The following LRRC8C variants were observed in gnomAD, a reference collection of about 807,000 sequenced individuals.
LRRC8C encodes the protein volume-regulated anion channel subunit LRRC8C.
A neutral mutation model predicts 55.3 loss-of-function variants in LRRC8C; 20 were observed. The observed-to-expected ratio is 0.36, with a 90% CI of 0.25 to 0.53. LRRC8C has a LOEUF of 0.53. LRRC8C is among the 20% of genes least tolerant of loss of function. The pLI, the probability that LRRC8C is intolerant of heterozygous loss-of-function variation, is 0.92. For missense variants in LRRC8C, 659 were observed against 951.4 expected, an observed-to-expected ratio of 0.69 and a Z score of 4.04; for synonymous variants, 376 against 360.7, an observed-to-expected ratio of 1.04 and a Z score of -0.48.
intron 1 of LRRC8C, among the ~76,000 whole-genome samples, chr1:89,640,098 T>A (rs1330770452): frequency 6.6e-6 from 1 of 152,262 alleles, no homozygotes; most frequent in African/African-American, 2.4e-5. Context: ...GGAATCTTGC[T>A]GTGTTGCCCA....
chr1:89,677,495 TA>T (rs2101254740), intron 1 of LRRC8C, among the ~76,000 whole-genome samples: 1 of 152,372 alleles, frequency 6.6e-6, no homozygotes, highest in East Asian at 1.9e-4. Flanking sequence ...AAGTTCTATT[TA>T]AACTCTTTGT....
chr1:89,620,699 T>TA, the LRRC8C span, among the ~76,000 whole-genome samples: 1 of 152,172 alleles, frequency 6.6e-6, no homozygotes, highest in African/African-American at 2.4e-5. Flanking sequence ...TACTTCCAGT[T>TA]AAAAAATGTC....
At chr1:89,707,629 G>A (rs1164548177) in intron 2 of LRRC8C, among the ~76,000 whole-genome samples, 1 of 146,126 alleles carries the variant, frequency 6.8e-6, no homozygotes, top group Non-Finnish European at 1.5e-5. Context: ...CATAAAAGGT[G>A]TGGCTGGTGT....
chr1:89,673,872 G>A (rs1570714248), intron 1 of LRRC8C, among the ~76,000 whole-genome samples: 1 of 152,330 alleles, frequency 6.6e-6, no homozygotes, highest in Non-Finnish European at 1.5e-5. Context: ...AACTCTGGAT[G>A]TGACGGAGTC....
the LRRC8C span, among the ~76,000 whole-genome samples, chr1:89,623,671 G>A: frequency 1.9e-3 from 290 of 152,110 alleles, 1 homozygote; most frequent in East Asian, 0.025. Context: ...ACAGTGAGCC[G>A]AGATCGTGCC....
At chr1:89,693,022 C>A (rs1382809192) in intron 2 of LRRC8C, among the ~76,000 whole-genome samples, 1 of 152,128 alleles carries the variant, frequency 6.6e-6, no homozygotes, top group Non-Finnish European at 1.5e-5. Context: ...CCCCTGGAAG[C>A]CCTAGGGGAC....
At chr1:89,628,617 G>A (rs1010768969), upstream of LRRC8C, among the ~76,000 whole-genome samples, 3 of 152,192 alleles carry the variant, frequency 2.0e-5, no homozygotes, top group Non-Finnish European at 4.4e-5. Context: ...TGGACAAAAG[G>A]GGTATGATCC....
At chr1:89,689,100 G>A (rs1657958482) in intron 2 of LRRC8C, among the ~76,000 whole-genome samples, 1 of 152,222 alleles carries the variant, frequency 6.6e-6, no homozygotes, top group Non-Finnish European at 1.5e-5. Context: ...AAAGGCTGAT[G>A]TTGCCTTGCT....
At chr1:89,676,404 C>A (rs1657547783) in intron 1 of LRRC8C, 1 of 152,194 alleles carries the variant, frequency 6.6e-6, no homozygotes, top group African/African-American at 2.4e-5. Flanking sequence ...TGACTTCTTT[C>A]CTCATCTCAA....
intron 2 of LRRC8C, among the ~76,000 whole-genome samples, chr1:89,712,240 G>A (rs935391265): frequency 6.6e-6 from 1 of 152,102 alleles, no homozygotes; most frequent in Admixed American, 6.5e-5. Context: ...AACCTCCCAA[G>A]TACCTGGAAT....
intron 2 of LRRC8C, among the ~76,000 whole-genome samples, chr1:89,703,787 G>A (rs1421791890): frequency 6.6e-6 from 1 of 151,946 alleles, no homozygotes; most frequent in Non-Finnish European, 1.5e-5. Flanking sequence ...AAAATGAGCA[G>A]TGCAGCAGAA....
intron 2 of LRRC8C, among the ~76,000 whole-genome samples, chr1:89,706,863 C>T (rs574904150): frequency 1.3e-5 from 2 of 152,240 alleles, no homozygotes; most frequent in African/African-American, 4.8e-5. Flanking sequence ...TCAAGATCCT[C>T]TTTTATCTTT....
the LRRC8C span, among the ~76,000 whole-genome samples, chr1:89,621,633 T>C: frequency 1.3e-5 from 2 of 152,214 alleles, no homozygotes; most frequent in Non-Finnish European, 2.9e-5. Context: ...CTGGGGAACC[T>C]GGAAATTGGG....
At chr1:89,697,608 T>C (rs1658212057) in intron 2 of LRRC8C, among the ~76,000 whole-genome samples, 1 of 152,228 alleles carries the variant, frequency 6.6e-6, no homozygotes, top group African/African-American at 2.4e-5. Flanking sequence ...ATGTTCTGTG[T>C]TATGTATCCA....
Position 89,712,847 on chromosome 1 carries a change from A to C in LRRC8C, c.277A>C (p.Thr93Pro). ...TAAACCATCTCCTGCTAACCCCATC[A>C]CTGTGGAAATGAAAGGCCTGAAGAC... is the stretch of plus-strand genomic sequence containing the variant. ...PPKPSPANPI[T>P]VEMKGLKTDL... Residue 93 changes from threonine to proline, a missense_variant, in exon 3 of 3, where the codon ACT (threonine) becomes CCT (proline). This residue lies in a region of LRRC8C where 82 missense variants were observed against 71.4 expected (regional missense o/e 1.15). Coordinates refer to ENST00000370454, the MANE Select transcript of LRRC8C (RefSeq NM_032270.5). The C allele has an allele frequency of 6.2e-7, 1 of 1,614,062 alleles. No homozygotes were observed. The highest frequency in any genetic ancestry group is 8.5e-7 in the Non-Finnish European group (1 of 1,180,014).
chr1:89,669,611 AGAT>A (rs1313942260), intron 1 of LRRC8C, among the ~76,000 whole-genome samples: 1 of 152,144 alleles, frequency 6.6e-6, no homozygotes, highest in East Asian at 1.9e-4. Context: ...CTGTGAAGCA[AGAT>A]ACTGTTCTTT....
intron 2 of LRRC8C, among the ~76,000 whole-genome samples, chr1:89,696,909 G>C (rs1389728332): frequency 1.3e-5 from 2 of 151,994 alleles, no homozygotes; most frequent in Admixed American, 6.6e-5. Flanking sequence ...TCCCTCTATA[G>C]GTAAAAGACC....
chr1:89,679,012 A>C (rs1657629232), intron 1 of LRRC8C, among the ~76,000 whole-genome samples: 2 of 152,156 alleles, frequency 1.3e-5, no homozygotes, highest in African/African-American at 4.8e-5. Context: ...GAATTTGTGA[A>C]GCGTCAAGTA....
chr1:89,638,631 G>A lies in LRRC8C; in HGVS notation c.-5+5309G>A, dbSNP rs920503443. ...AATACCTTAATTTACACATCCTCTG[G>A]AATTAAATTACTTTTTTTGCAAATA... On this transcript the variant is annotated intron_variant, in intron 1 of 2. Coordinates refer to ENST00000370454, the MANE Select transcript of LRRC8C (RefSeq NM_032270.5). 5.9e-5 allele frequency among the ~76,000 whole-genome samples: 9 copies of A among 152,018 alleles called. 1 individual carries two copies. In the South Asian group the frequency reaches 1.9e-3, roughly 32 times the overall value.
Sources: gnomAD v4.1 joint callset for allele counts (sites outside exome capture counted in the v4.1 genomes callset) on GRCh38, gnomAD v4.1.1 for gene constraint, gnomAD v4.1.1 regional missense constraint, MANE v1.5 for transcripts, NCBI Gene and HGNC (gene_info 2026-07-23, HGNC 2026-07-21) for gene names.